The following AFG1L variants were observed in gnomAD, a reference collection of about 807,000 sequenced individuals.
AFG1L encodes AFG1 like ATPase, also known as AFG1-like ATPase.
Under a neutral mutation model 62.2 loss-of-function variants are expected in AFG1L, and 53 were observed. The observed-to-expected ratio is 0.85, with a 90% CI of 0.68 to 1.07. AFG1L has a LOEUF of 1.07. Ranked by LOEUF, AFG1L falls within the 50% of genes least tolerant of loss-of-function variation. AFG1L has a pLI of 0.00. For missense variants in AFG1L, 555 were observed against 590.5 expected (o/e 0.94, Z 0.62); for synonymous variants, 228 against 210.3 (o/e 1.08, Z -0.73).
At chr6:108,417,633 G>T (rs1770378415) in intron 7 of AFG1L, among the ~76,000 whole-genome samples, 1 of 152,040 alleles carries the variant, frequency 6.6e-6, no homozygotes, top group Non-Finnish European at 1.5e-5. Flanking sequence ...GATATGTTTT[G>T]TATTGTATTT....
chr6:108,298,087 C>G (rs917488478), intron 1 of AFG1L, among the ~76,000 whole-genome samples: 1 of 152,036 alleles, frequency 6.6e-6, no homozygotes, highest in East Asian at 1.9e-4. Flanking sequence ...GGTCACCCAA[C>G]TTGGATTTTA....
intron 7 of AFG1L, among the ~76,000 whole-genome samples, chr6:108,405,697 A>T (rs1781820934): frequency 6.6e-6 from 1 of 152,126 alleles, no homozygotes. Context: ...GTGCATTCAC[A>T]TTGTTGTACA....
At chr6:108,303,963 T>G (rs1777107201) in intron 1 of AFG1L, among the ~76,000 whole-genome samples, 1 of 152,214 alleles carries the variant, frequency 6.6e-6, no homozygotes, top group South Asian at 2.1e-4. Flanking sequence ...ATTCAGATCT[T>G]TAGGCATTAT....
At chr6:108,516,146 T>G (rs1774878654) in intron 11 of AFG1L, among the ~76,000 whole-genome samples, 1 of 152,202 alleles carries the variant, frequency 6.6e-6, no homozygotes, top group Non-Finnish European at 1.5e-5. Context: ...CCCTAACTCA[T>G]TTTATGAGGC....
At chr6:108,463,286 C>CAAAAAAA (rs56937746) in intron 8 of AFG1L, among the ~76,000 whole-genome samples, 1 of 40,526 alleles carries the variant, frequency 2.5e-5, no homozygotes, top group African/African-American at 6.9e-5. Flanking sequence ...GAGACTCTGT[C>CAAAAAAA]AAAAAAAAAA....
chr6:108,519,853 T>A (rs370351225), intron 12 of AFG1L, 43 bp downstream of exon 12: 42 of 1,307,426 alleles, frequency 3.2e-5, no homozygotes, highest in Non-Finnish European at 4.4e-5. Flanking sequence ...TAAAACAGCT[T>A]AATTGTTTTT....
At chr6:108,444,696 T>C (rs1423238134) in intron 7 of AFG1L, among the ~76,000 whole-genome samples, 1 of 152,238 alleles carries the variant, frequency 6.6e-6, no homozygotes, top group Non-Finnish European at 1.5e-5. Flanking sequence ...ACAATCTTTC[T>C]TCTAAGCAGT....
At chr6:108,496,391 C>T (rs530613066) in intron 10 of AFG1L, among the ~76,000 whole-genome samples, 7 of 152,284 alleles carry the variant, frequency 4.6e-5, no homozygotes, top group Admixed American at 2.0e-4. Context: ...TTATGCAAAA[C>T]TCTGTTCCCT....
intron 7 of AFG1L, among the ~76,000 whole-genome samples, chr6:108,430,613 T>C (rs1215489162): frequency 6.6e-6 from 1 of 152,202 alleles, no homozygotes; most frequent in East Asian, 1.9e-4. Context: ...GGTAATGCAT[T>C]GACAAATTGG....
chr6:108,309,787 C>T lies in AFG1L; in HGVS notation c.140-14038C>T, dbSNP rs568584260. On this transcript the variant is annotated intron_variant, in intron 1 of 12. Transcript: ENST00000368977. ...CTTTAAGACCTAATAGAAAAAAGAA[C>T]ACAAAATATCTTATTAATAATTAAA... Among the ~76,000 whole-genome samples, 11 of 152,104 alleles carry T rather than the reference C, an allele frequency of 7.2e-5. No homozygotes were observed. In the South Asian group the frequency reaches 1.2e-3, roughly 17 times the overall value.
chr6:108,425,597 G>T (rs2114699850), intron 7 of AFG1L, among the ~76,000 whole-genome samples: 1 of 152,120 alleles, frequency 6.6e-6, no homozygotes, highest in Non-Finnish European at 1.5e-5. Flanking sequence ...TTTTTATTGA[G>T]AGCTCTTTCC....
At chr6:108,438,019 T>G (rs1771385901) in intron 7 of AFG1L, among the ~76,000 whole-genome samples, 1 of 152,226 alleles carries the variant, frequency 6.6e-6, no homozygotes, top group African/African-American at 2.4e-5. Flanking sequence ...AGAGTCAGAT[T>G]GTGACTCACC....
chr6:108,405,602 CT>C (rs1442524943), intron 7 of AFG1L, among the ~76,000 whole-genome samples: 3 of 152,204 alleles, frequency 2.0e-5, no homozygotes, highest in Non-Finnish European at 4.4e-5. Context: ...CTGCCTCCAC[CT>C]CCCAAAGTGT....
chr6:108,520,028 A>C (rs1342869011), intron 12 of AFG1L: 2 of 345,936 alleles, frequency 5.8e-6, no homozygotes, highest in Non-Finnish European at 1.1e-5. Flanking sequence ...CATGTAGTTC[A>C]GTGCTCCATT....
chr6:108,477,259 T>C lies in AFG1L; in HGVS notation c.1029T>C (p.Val343=), dbSNP rs1276996946. The C allele has an allele frequency of 6.2e-7, 1 of 1,609,676 alleles. No individual in the cohort carries two copies. Among genetic ancestry groups the C allele is most frequent in the Middle Eastern group, 1.7e-4 (1 of 6,046 alleles). ...ELRLNKACGT[V]ADCTFEELCE... is the part of the protein sequence containing the mutation. ...GCCTGAATAAAGCCTGTGGAACCGT[T>C]GCCGACTGCACATTTGAAGAGCTGT... Residue 343 remains valine (V), a synonymous_variant, in exon 10 of 13, where the codon GTT becomes GTC. Transcript: ENST00000368977.
At chr6:108,462,558 T>C (rs1439419494) in intron 8 of AFG1L, among the ~76,000 whole-genome samples, 2 of 152,178 alleles carry the variant, frequency 1.3e-5, no homozygotes, top group African/African-American at 2.4e-5. Flanking sequence ...ACCTATAAAG[T>C]GGTACAGCAA....
At chr6:108,518,416 C>T (rs369283881) in intron 11 of AFG1L, among the ~76,000 whole-genome samples, 3 of 149,078 alleles carry the variant, frequency 2.0e-5, no homozygotes, top group Admixed American at 6.8e-5. Context: ...AACCAAACAC[C>T]GCATGTTCTC....
intron 7 of AFG1L, among the ~76,000 whole-genome samples, chr6:108,410,423 T>C (rs2114656029): frequency 6.6e-6 from 1 of 152,270 alleles, no homozygotes; most frequent in East Asian, 1.9e-4. Context: ...GTCAAGCTGG[T>C]CTGAGGCTTG....
At chr6:108,333,839 A>G (rs1227475382) in intron 2 of AFG1L, among the ~76,000 whole-genome samples, 5 of 152,206 alleles carry the variant, frequency 3.3e-5, no homozygotes, top group Non-Finnish European at 7.3e-5. Context: ...TTAATGCTTT[A>G]TTACTTAAAT....
Sources: gnomAD v4.1 joint callset for allele counts (sites outside exome capture counted in the v4.1 genomes callset) on GRCh38, gnomAD v4.1.1 for gene constraint, MANE v1.5 for transcripts, NCBI Gene and HGNC (gene_info 2026-07-23, HGNC 2026-07-21) for gene names.